The following MRO variants were observed in gnomAD, a reference collection of about 807,000 sequenced individuals.
MRO encodes the protein maestro.
MRO carries 28 observed loss-of-function variants against 31.0 expected under a neutral mutation model. The ratio of observed to expected loss-of-function variants is 0.90; its 90% CI spans 0.67 to 1.24. The LOEUF is 1.24. Among genes scored for constraint, MRO ranks in the 50% most tolerant of loss-of-function variants. The probability of loss-of-function intolerance (pLI) is 0.00; values close to 1 mark genes in which losing one functional copy is unlikely to be tolerated. For synonymous variants in MRO, 108 were observed against 108.4 expected, an observed-to-expected ratio of 1.00 and a Z score of 0.02; for missense variants, 332 against 289.2, an observed-to-expected ratio of 1.15 and a Z score of -1.07.
At chr18:50,801,744 C>T (rs528454146) in intron 5 of MRO, among the ~76,000 whole-genome samples, 7 of 152,300 alleles carry the variant, frequency 4.6e-5, no homozygotes, top group Admixed American at 2.6e-4. Flanking sequence ...TCTTCTCCAG[C>T]AGACGAGAGG....
upstream of MRO, among the ~76,000 whole-genome samples, chr18:50,820,826 G>C (rs867804382): frequency 3.5e-5 from 5 of 144,348 alleles, no homozygotes; most frequent in Non-Finnish European, 6.2e-5. Context: ...GACTGGTCTA[G>C]AAAACCCAGG....
At chr18:50,808,855 C>T (rs779403328) in intron 3 of MRO, among the ~76,000 whole-genome samples, 6 of 151,348 alleles carry the variant, frequency 4.0e-5, no homozygotes, top group Admixed American at 6.6e-5. Context: ...AAAGAACTGT[C>T]GGCCGGGCGC....
intron 2 of MRO, among the ~76,000 whole-genome samples, chr18:50,812,254 C>G (rs1273884463): frequency 6.6e-6 from 1 of 151,834 alleles, no homozygotes; most frequent in Non-Finnish European, 1.5e-5. Flanking sequence ...ATTTGCATTC[C>G]CCTAATGACT....
upstream of MRO, among the ~76,000 whole-genome samples, chr18:50,821,480 T>C (rs189814372): frequency 2.6e-5 from 4 of 152,338 alleles, no homozygotes; most frequent in South Asian, 2.1e-4. Flanking sequence ...ATAATCTATA[T>C]ACTGAACTAA....
chr18:50,814,397 G>T, intron 2 of MRO: 1 of 154,186 alleles, frequency 6.5e-6, no homozygotes, highest in South Asian at 2.0e-4. Context: ...GGAGAGCCAT[G>T]ACCCACGGGA....
chr18:50,806,684 G>A lies in MRO; in HGVS notation c.246+20C>T, dbSNP rs1271751253. ...TGGAGAGGCTTGGGGAGCTGGCTGAGCCCCACTCTCCTTCCCTACCTTGTC... is the reference window on the plus strand; with the variant it reads ...TGGAGAGGCTTGGGGAGCTGGCTGAACCCCACTCTCCTTCCCTACCTTGTC... On this transcript the variant is annotated intron_variant, in intron 4 of 7. Transcript: ENST00000398439. The A allele has an allele frequency of 2.5e-6, 4 of 1,613,702 alleles. No individual in the cohort carries two copies. Among genetic ancestry groups the A allele is most frequent in the Non-Finnish European group, 3.4e-6 (4 of 1,179,980 alleles).
intron 5 of MRO, among the ~76,000 whole-genome samples, chr18:50,804,469 T>C (rs1913710149): frequency 6.6e-6 from 1 of 151,978 alleles, no homozygotes; most frequent in South Asian, 2.1e-4. Flanking sequence ...TTACCAAAAA[T>C]ACAAAAATTA....
rs1912771001 is a variant in MRO at position 50,796,128 on chromosome 18, C to G, written c.*3209G>C. 2 of 151,960 alleles carry G rather than the reference C, an allele frequency of 1.3e-5. No homozygotes were observed. The highest frequency in any genetic ancestry group is 1.9e-4 in the East Asian group (1 of 5,188). The allele number at this position is 151,960 out of a possible 1,614,324, so 9.4% of individuals were successfully genotyped here. On this transcript the variant is annotated 3_prime_UTR_variant, in exon 8 of 8. Transcript: ENST00000398439. Reference sequence around the variant, plus strand: ...AAATTAAGAAATGTCAAAACATTACCTTTGGGTTGGCATTCAGATAAACGT... The same window carrying G: ...AAATTAAGAAATGTCAAAACATTACGTTTGGGTTGGCATTCAGATAAACGT...
chr18:50,814,461 GGCCC>G (rs1914728637), intron 2 of MRO: 1 of 164,918 alleles, frequency 6.1e-6, no homozygotes, highest in Non-Finnish European at 1.3e-5. Context: ...AAACTACAGA[GGCCC>G]GTTTAAGAGA....
At chr18:50,813,523 G>A (rs990103158) in intron 2 of MRO, among the ~76,000 whole-genome samples, 14 of 152,278 alleles carry the variant, frequency 9.2e-5, no homozygotes, top group Admixed American at 2.6e-4. Context: ...TCTGTGCATC[G>A]GCAGCAGGGC....
intron 5 of MRO, 67 bp downstream of exon 5, chr18:50,805,087 G>A (rs12458286): frequency 0.088 from 122,342 of 1,385,534 alleles, 6,743 homozygotes; most frequent in South Asian, 0.23. Flanking sequence ...CACCGCACCC[G>A]GCCCCACAGT....
chr18:50,805,106 TA>T, intron 5 of MRO, 47 bp downstream of exon 5: 1 of 1,518,530 alleles, frequency 6.6e-7, no homozygotes, highest in Non-Finnish European at 9.1e-7. Context: ...GTCATATTTC[TA>T]AGCCCATTTT....
chr18:50,821,206 G>C (rs1308037516), upstream of MRO, among the ~76,000 whole-genome samples: 4 of 152,196 alleles, frequency 2.6e-5, no homozygotes, highest in Admixed American at 6.5e-5. Flanking sequence ...TTGCAAGGGA[G>C]CCCTAATATG....
chr18:50,801,050 T>C (rs1913263464), intron 6 of MRO, among the ~76,000 whole-genome samples: 2 of 152,170 alleles, frequency 1.3e-5, no homozygotes, highest in African/African-American at 2.4e-5. Context: ...ATCCTCATTA[T>C]GTGGGCTGCT....
chr18:50,822,450 C>T (rs72927752), upstream of MRO, among the ~76,000 whole-genome samples: 22,215 of 151,976 alleles, frequency 0.15, 1,628 homozygotes, highest in East Asian at 0.17. Flanking sequence ...GCGAATCTTA[C>T]GCCTCAGCCT....
intron 5 of MRO, among the ~76,000 whole-genome samples, chr18:50,802,640 C>T (rs1262575086): frequency 1.3e-5 from 2 of 152,156 alleles, no homozygotes; most frequent in African/African-American, 4.8e-5. Context: ...CTGAGGAACA[C>T]TAATCATATT....
At chr18:50,799,439 T>C (rs1913079120) in intron 7 of MRO, 49 bp from the exon 8 acceptor site, 1 of 1,514,378 alleles carries the variant, frequency 6.6e-7, no homozygotes, top group Non-Finnish European at 9.2e-7. Context: ...TCAACAAACT[T>C]CCTTGACAAT....
chr18:50,815,090 TG>T, intron 2 of MRO: 1 of 211,284 alleles, frequency 4.7e-6, no homozygotes, highest in Non-Finnish European at 9.7e-6. Context: ...AAAAAAGTTA[TG>T]GAAGCCAGGC....
In MRO at chr18:50,809,544, G is replaced by C; in HGVS notation, c.-4-140C>G. 5.5e-6 allele frequency: 3 copies of C among 543,620 alleles called. No individual in the cohort carries two copies. In the South Asian group the frequency reaches 7.7e-5, roughly 14 times the overall value. The allele number at this position is 543,620 out of a possible 1,614,324, so 33.7% of individuals were successfully genotyped here. On this transcript the variant is annotated intron_variant, in intron 2 of 7. Coordinates refer to ENST00000398439, the MANE Select transcript of MRO (RefSeq NM_031939.6). ...CTGTCTTTAGGAACCTTCCACTGTG[G>C]TGAGATAGAACAGTCACACAGATGA...
Sources: gnomAD v4.1 joint callset for allele counts (sites outside exome capture counted in the v4.1 genomes callset) on GRCh38, gnomAD v4.1.1 for gene constraint, MANE v1.5 for transcripts, NCBI Gene and HGNC (gene_info 2026-07-23, HGNC 2026-07-21) for gene names.